The following CNTN3 variants were observed in gnomAD, a reference collection of about 807,000 sequenced individuals.
The protein encoded by CNTN3 is contactin-3.
A neutral mutation model predicts 119.1 loss-of-function variants in CNTN3; 60 were observed. The observed-to-expected ratio is 0.50, with a 90% CI of 0.41 to 0.62. The LOEUF is 0.62. Ranked by LOEUF, CNTN3 falls within the 20% of genes least tolerant of loss-of-function variation. The pLI is 0.00. For missense variants in CNTN3, 1,101 were observed against 1,242.4 expected (o/e 0.89, Z 1.71); for synonymous variants, 450 against 438.7 (o/e 1.03, Z -0.32).
intron 20 of CNTN3, among the ~76,000 whole-genome samples, chr3:74,280,665 C>A (rs1310830807): frequency 6.6e-6 from 1 of 152,160 alleles, no homozygotes; most frequent in Non-Finnish European, 1.5e-5. Context: ...CATTGTTCAA[C>A]AAATACTTAT....
intron 11 of CNTN3, among the ~76,000 whole-genome samples, chr3:74,349,361 A>T (rs867728954): frequency 1.1e-4 from 16 of 152,332 alleles, no homozygotes; most frequent in Admixed American, 2.6e-4. Flanking sequence ...AGAGCAATTA[A>T]TCTTGCCTAT....
At chr3:74,516,121 T>C (rs952598676) in intron 2 of CNTN3, among the ~76,000 whole-genome samples, 2 of 151,944 alleles carry the variant, frequency 1.3e-5, no homozygotes, top group Admixed American at 1.3e-4. Context: ...TAGAAAAAGC[T>C]CTACTGAGTC....
chr3:74,596,434 C>G (rs1385345834), intron 1 of CNTN3, among the ~76,000 whole-genome samples: 1 of 152,126 alleles, frequency 6.6e-6, no homozygotes, highest in Non-Finnish European at 1.5e-5. Flanking sequence ...TGACTTCAAA[C>G]TATACTACAA....
At chr3:74,348,474 A>G (rs1453791603) in intron 11 of CNTN3, among the ~76,000 whole-genome samples, 1 of 152,138 alleles carries the variant, frequency 6.6e-6, no homozygotes, top group Non-Finnish European at 1.5e-5. Flanking sequence ...TTCAGCTTCC[A>G]CCTTGCTAGC....
At chr3:74,522,347 A>C (rs546318084) in intron 1 of CNTN3, among the ~76,000 whole-genome samples, 88 of 152,050 alleles carry the variant, frequency 5.8e-4, no homozygotes, top group African/African-American at 2.1e-3. Context: ...GAAACAAATG[A>C]AAATACAATT....
chr3:74,331,774 A>T (rs1395543615), intron 13 of CNTN3, among the ~76,000 whole-genome samples: 1 of 152,184 alleles, frequency 6.6e-6, no homozygotes, highest in Non-Finnish European at 1.5e-5. Context: ...TGATGTGCCA[A>T]TTTGTTTTAG....
chr3:74,371,141 T>C, intron 6 of CNTN3, 55 bp downstream of exon 6: 4 of 1,317,754 alleles, frequency 3.0e-6, no homozygotes, highest in Non-Finnish European at 4.3e-6. Context: ...ATTGCTTTTG[T>C]TTGCAGCCTC....
chr3:74,574,762 G>T (rs1704387763), intron 1 of CNTN3, among the ~76,000 whole-genome samples: 1 of 152,122 alleles, frequency 6.6e-6, no homozygotes, highest in Non-Finnish European at 1.5e-5. Context: ...AAAGGTTATA[G>T]CTTCTGCCAC....
At chr3:74,265,893 G>C (rs928081249) in intron 22 of CNTN3, among the ~76,000 whole-genome samples, 3 of 152,046 alleles carry the variant, frequency 2.0e-5, no homozygotes, top group African/African-American at 7.2e-5. Context: ...TCTAGCATTG[G>C]CAGTTGATAA....
At chr3:74,459,589 T>A (rs1255243421) in intron 4 of CNTN3, among the ~76,000 whole-genome samples, 1 of 152,016 alleles carries the variant, frequency 6.6e-6, no homozygotes, top group African/African-American at 2.4e-5. Flanking sequence ...GAACTCTGCA[T>A]GTCCTATGCT....
intron 11 of CNTN3, among the ~76,000 whole-genome samples, chr3:74,340,021 T>C (rs551956988): frequency 6.6e-6 from 1 of 152,172 alleles, no homozygotes; most frequent in Admixed American, 6.6e-5. Context: ...TATTTTAAAA[T>C]AAACAGATAA....
chr3:74,405,714 G>C (rs926410322), intron 5 of CNTN3, among the ~76,000 whole-genome samples: 1 of 151,918 alleles, frequency 6.6e-6, no homozygotes, highest in African/African-American at 2.4e-5. Context: ...GTTTCTTTCT[G>C]CATAAACGAC....
At chr3:74,559,056 G>A (rs1704112664) in intron 1 of CNTN3, among the ~76,000 whole-genome samples, 1 of 151,296 alleles carries the variant, frequency 6.6e-6, no homozygotes, top group Non-Finnish European at 1.5e-5. Flanking sequence ...CTAAGGCATA[G>A]AAAAGAACTA....
chr3:74,402,530 A>T (rs185904546), intron 5 of CNTN3, among the ~76,000 whole-genome samples: 5 of 152,294 alleles, frequency 3.3e-5, no homozygotes, highest in Admixed American at 3.3e-4. Context: ...GTGGCAAATG[A>T]CATTGTTAGC....
chr3:74,360,662 T>C (rs904776293), intron 11 of CNTN3, among the ~76,000 whole-genome samples: 10 of 152,176 alleles, frequency 6.6e-5, no homozygotes, highest in African/African-American at 2.4e-4. Context: ...TCCTTCTGAA[T>C]CTGGAATCAT....
At chr3:74,495,066 A>G (rs764763981) in intron 3 of CNTN3, among the ~76,000 whole-genome samples, 1 of 152,150 alleles carries the variant, frequency 6.6e-6, no homozygotes, top group Admixed American at 6.6e-5. Context: ...TTTTGTCTTC[A>G]TTCCACCATG....
intron 1 of CNTN3, among the ~76,000 whole-genome samples, chr3:74,573,853 T>C (rs1231255758): frequency 1.3e-5 from 2 of 150,830 alleles, no homozygotes; most frequent in East Asian, 1.9e-4. Context: ...AAATGTAAAA[T>C]ATAAAATGGT....
chr3:74,496,362 G>A (rs1575782639), intron 3 of CNTN3, among the ~76,000 whole-genome samples: 1 of 152,096 alleles, frequency 6.6e-6, no homozygotes, highest in East Asian at 1.9e-4. Context: ...ATTCCTAGAT[G>A]GTAACAATTG....
intron 4 of CNTN3, among the ~76,000 whole-genome samples, chr3:74,434,762 T>G (rs1225525487): frequency 6.6e-6 from 1 of 152,214 alleles, no homozygotes; most frequent in Non-Finnish European, 1.5e-5. Flanking sequence ...GCTTAATTTA[T>G]AAATGTTAAA....
Sources: gnomAD v4.1 joint callset for allele counts (sites outside exome capture counted in the v4.1 genomes callset) on GRCh38, gnomAD v4.1.1 for gene constraint, MANE v1.5 for transcripts, NCBI Gene and HGNC (gene_info 2026-07-23, HGNC 2026-07-21) for gene names.